The following GALNT18 variants were observed in gnomAD, a reference collection of about 807,000 sequenced individuals.
The protein encoded by GALNT18 is GalNAc-transferase 18.
GALNT18 carries 44 observed loss-of-function variants against 69.5 expected under a neutral mutation model. The ratio of observed to expected loss-of-function variants is 0.63; its 90% CI spans 0.50 to 0.81. The LOEUF is 0.81. Among genes scored for constraint, GALNT18 ranks in the 40% least tolerant of loss-of-function variants. GALNT18 has a pLI of 0.00. For synonymous variants in GALNT18, 364 were observed against 318.2 expected, an observed-to-expected ratio of 1.14 and a Z score of -1.53; for missense variants, 715 against 810.0, an observed-to-expected ratio of 0.88 and a Z score of 1.42.
chr11:11,373,412 T>C (rs1850959908), intron 5 of GALNT18, among the ~76,000 whole-genome samples: 1 of 152,260 alleles, frequency 6.6e-6, no homozygotes, highest in Non-Finnish European at 1.5e-5. Context: ...GGAATCTGGA[T>C]GCCATCTGGC....
intron 3 of GALNT18, among the ~76,000 whole-genome samples, chr11:11,386,118 G>A (rs1296932135): frequency 3.9e-5 from 6 of 152,146 alleles, no homozygotes; most frequent in African/African-American, 1.4e-4. Flanking sequence ...ATGAAACAAT[G>A]TCTGTTGGTT....
Position 11,596,309 on chromosome 11 carries a change from C to A in GALNT18, c.235+25050G>T, listed in dbSNP as rs908219024. Among the ~76,000 whole-genome samples, 1 of 152,072 alleles carries A rather than the reference C, an allele frequency of 6.6e-6. No homozygotes were observed. Among genetic ancestry groups the A allele is most frequent in the East Asian group, 1.9e-4 (1 of 5,182 alleles). On this transcript the variant is annotated intron_variant, in intron 1 of 10. Transcript: ENST00000227756. This position sits in a 1 kb window ranked among gnomAD's most constrained non-coding sequence, Gnocchi z 4.2. The stretch of plus-strand genomic sequence containing the variant: ...GTAGCTTCACAGTACATTTTCAGAT[C>A]AAAAAAATGTGAGTTGTCCATTTTG...
At chr11:11,352,982 G>A in intron 6 of GALNT18, 1 of 1,613,982 alleles carries the variant, frequency 6.2e-7, no homozygotes, top group South Asian at 1.1e-5. Context: ...ATTTACCTCG[G>A]CCTAATTTTC....
intron 1 of GALNT18, among the ~76,000 whole-genome samples, chr11:11,609,120 A>G (rs1422164772): frequency 6.6e-6 from 1 of 152,202 alleles, no homozygotes; most frequent in Non-Finnish European, 1.5e-5. Context: ...TGCCAAGCCC[A>G]AGAGAAGTAC....
At chr11:11,291,675 T>G (rs1849301950) in intron 10 of GALNT18, among the ~76,000 whole-genome samples, 2 of 151,858 alleles carry the variant, frequency 1.3e-5, no homozygotes, top group South Asian at 4.1e-4. Context: ...CCACCTGCCC[T>G]CGGAAATGCT....
chr11:11,375,803 G>T (rs1853736986), intron 5 of GALNT18, among the ~76,000 whole-genome samples: 1 of 152,234 alleles, frequency 6.6e-6, no homozygotes, highest in Non-Finnish European at 1.5e-5. Context: ...CAGGGGCCGA[G>T]CAGAGTAGGT....
At chr11:11,412,165 T>C (rs1236913258) in intron 3 of GALNT18, among the ~76,000 whole-genome samples, 1 of 152,138 alleles carries the variant, frequency 6.6e-6, no homozygotes, top group Non-Finnish European at 1.5e-5. Context: ...TTCAACACCG[T>C]TGCCAACCAT....
At chr11:11,446,760 T>C (rs1855662267) in intron 2 of GALNT18, among the ~76,000 whole-genome samples, 1 of 152,214 alleles carries the variant, frequency 6.6e-6, no homozygotes, top group African/African-American at 2.4e-5. Context: ...CAGGCACCTT[T>C]GCAAGTGACA....
Position 11,372,721 on chromosome 11 carries a change from T to C in GALNT18, c.978-92A>G. The C allele has an allele frequency of 1.0e-6, 1 of 987,326 alleles. No homozygotes were observed. The allele number at this position is 987,326 out of a possible 1,614,324, so 61.2% of individuals were successfully genotyped here. ...CCTTCCTATCAGGAGGGTCTGGTTC[T>C]CTTCCTTCCTTTGCTGCCAGAGCCA... On this transcript the variant is annotated intron_variant, in intron 5 of 10. Transcript: ENST00000227756. This position sits in a 1 kb window ranked among gnomAD's most constrained non-coding sequence, Gnocchi z 4.9.
chr11:11,315,038 A>ATTTGTG lies in GALNT18; in HGVS notation c.1512+12047_1512+12048insCACAAA, dbSNP rs1849728185. On this transcript the variant is annotated intron_variant, in intron 9 of 10. Transcript: ENST00000227756. The surrounding 1 kb of genome is among the most constrained non-coding windows in gnomAD (Gnocchi z 5.6). ...GCAGAGATGGACACATACTAATTAT[A>ATTTGTG]TGTGTGTGTGTGTGTGTGTGTGTGT... Among the ~76,000 whole-genome samples, 1 of 150,094 alleles carries ATTTGTG rather than the reference A, an allele frequency of 6.7e-6. No homozygotes were observed. Among genetic ancestry groups the ATTTGTG allele is most frequent in the East Asian group, 2.0e-4 (1 of 5,088 alleles).
At chr11:11,547,900 G>T (rs184874986) in intron 1 of GALNT18, among the ~76,000 whole-genome samples, 126 of 152,166 alleles carry the variant, frequency 8.3e-4, no homozygotes, top group Middle Eastern at 3.4e-3. Flanking sequence ...TTCCTGGAAC[G>T]TACCATGCTC....
intron 3 of GALNT18, among the ~76,000 whole-genome samples, chr11:11,391,938 G>A (rs1170188550): frequency 1.3e-5 from 2 of 152,264 alleles, no homozygotes; most frequent in South Asian, 2.1e-4. Flanking sequence ...ATGTGGCAGA[G>A]GTGCCACAGG....
chr11:11,362,603 T>A (rs1850668468), intron 6 of GALNT18, among the ~76,000 whole-genome samples: 1 of 152,100 alleles, frequency 6.6e-6, no homozygotes, highest in African/African-American at 2.4e-5. Context: ...TAGTTCTTAA[T>A]AAGAGAAATG....
intron 2 of GALNT18, among the ~76,000 whole-genome samples, chr11:11,446,976 G>T (rs906694799): frequency 6.6e-6 from 1 of 152,192 alleles, no homozygotes; most frequent in African/African-American, 2.4e-5. Context: ...TGTGGCCTTG[G>T]CATCAGGATT....
intron 3 of GALNT18, among the ~76,000 whole-genome samples, chr11:11,424,475 G>T (rs1224406001): frequency 1.3e-5 from 2 of 152,174 alleles, no homozygotes; most frequent in African/African-American, 4.8e-5. Flanking sequence ...CATCTATGAA[G>T]TGGAGATGGT....
At chr11:11,503,561 C>T (rs1857013536) in intron 1 of GALNT18, among the ~76,000 whole-genome samples, 1 of 152,182 alleles carries the variant, frequency 6.6e-6, no homozygotes, top group African/African-American at 2.4e-5. Flanking sequence ...AGGCCAGGCC[C>T]TGCGCTAGGC....
At chr11:11,291,697 C>T (rs1849302785) in intron 10 of GALNT18, among the ~76,000 whole-genome samples, 1 of 152,168 alleles carries the variant, frequency 6.6e-6, no homozygotes, top group South Asian at 2.1e-4. Context: ...CCATTTGGCT[C>T]CTGGGCTCCT....
At chr11:11,529,430 T>C (rs1857590391) in intron 1 of GALNT18, among the ~76,000 whole-genome samples, 1 of 152,200 alleles carries the variant, frequency 6.6e-6, no homozygotes, top group Non-Finnish European at 1.5e-5. Flanking sequence ...AGACTCTAAA[T>C]GAACATTTGT....
intron 10 of GALNT18, among the ~76,000 whole-genome samples, chr11:11,288,945 A>G (rs1849246584): frequency 6.6e-6 from 1 of 152,190 alleles, no homozygotes. Context: ...GGTCCTCAGG[A>G]GAATAAATAG....
Sources: allele counts gnomAD v4.1 joint callset (sites outside exome capture counted in the v4.1 genomes callset), GRCh38; gene constraint gnomAD v4.1.1; non-coding constraint Gnocchi (gnomAD v3.1); transcripts MANE v1.5; gene names NCBI Gene and HGNC (gene_info 2026-07-23, HGNC 2026-07-21).